AP3S1: variants seen among roughly 807,000 people sequenced by gnomAD.
AP3S1 encodes the protein AP-3 complex subunit sigma-1.
AP3S1 carries 12 observed loss-of-function variants against 21.3 expected under a neutral mutation model. That is an observed-to-expected ratio of 0.56 (90% confidence interval 0.36 to 0.91). AP3S1 has a LOEUF of 0.91. Ranked by LOEUF, AP3S1 falls within the 40% of genes least tolerant of loss-of-function variation. The pLI, the probability that AP3S1 is intolerant of heterozygous loss-of-function variation, is 0.01. For missense variants in AP3S1, 116 were observed against 225.0 expected (o/e 0.52, Z 3.10); for synonymous variants, 48 against 78.4 (o/e 0.61, Z 2.05).
intron 4 of AP3S1, among the ~76,000 whole-genome samples, chr5:115,896,022 G>T: frequency 6.6e-6 from 1 of 152,202 alleles, no homozygotes; most frequent in Middle Eastern, 3.4e-3. Flanking sequence ...TATTAGGTTT[G>T]TATAATCTAA....
At chr5:115,853,090 A>C (rs969994861) in intron 1 of AP3S1, 2 of 437,236 alleles carry the variant, frequency 4.6e-6, no homozygotes, top group African/African-American at 4.1e-5. Flanking sequence ...CATTCCCACC[A>C]ACAATGTCTG....
At chr5:115,906,083 G>T (rs373679970) in intron 5 of AP3S1, among the ~76,000 whole-genome samples, 1 of 152,174 alleles carries the variant, frequency 6.6e-6, no homozygotes, top group Non-Finnish European at 1.5e-5. Context: ...GCCCGATTCC[G>T]GGAGGCGGAG....
chr5:115,889,636 G>T (rs538203478), intron 3 of AP3S1, among the ~76,000 whole-genome samples: 8 of 152,188 alleles, frequency 5.3e-5, no homozygotes, highest in African/African-American at 1.9e-4. Context: ...ACTGGCAAAG[G>T]TATTTGTAAT....
At chr5:115,848,099 C>A (rs1017247681) in intron 1 of AP3S1, among the ~76,000 whole-genome samples, 1 of 152,022 alleles carries the variant, frequency 6.6e-6, no homozygotes, top group African/African-American at 2.4e-5. Context: ...TGTTATAGGT[C>A]ATTTCATGGC....
At chr5:115,886,345 T>C (rs1478282283) in intron 3 of AP3S1, among the ~76,000 whole-genome samples, 1 of 152,058 alleles carries the variant, frequency 6.6e-6, no homozygotes, top group Non-Finnish European at 1.5e-5. Flanking sequence ...TGCCTCCCAT[T>C]CCACCTCCTC....
chr5:115,842,699 A>G (rs1761713883), intron 1 of AP3S1: 1 of 152,226 alleles, frequency 6.6e-6, no homozygotes, highest in African/African-American at 2.4e-5. Context: ...TCTCTTCTGC[A>G]TGTTTCGATA....
chr5:115,896,280 G>T (rs1442472166), intron 4 of AP3S1, among the ~76,000 whole-genome samples: 1 of 151,988 alleles, frequency 6.6e-6, no homozygotes, highest in Non-Finnish European at 1.5e-5. Context: ...TTTTCTCTTT[G>T]GCCAGTATTC....
At chr5:115,860,902 C>G (rs1348562393) in intron 1 of AP3S1, among the ~76,000 whole-genome samples, 1 of 152,050 alleles carries the variant, frequency 6.6e-6, no homozygotes, top group Non-Finnish European at 1.5e-5. Flanking sequence ...ACTTTATTGC[C>G]TTTTTTATGT....
At chr5:115,886,865 A>G (rs926641539) in intron 3 of AP3S1, among the ~76,000 whole-genome samples, 2 of 152,208 alleles carry the variant, frequency 1.3e-5, no homozygotes, top group Admixed American at 1.3e-4. Flanking sequence ...TAATTTCTCT[A>G]TATTGACGTT....
At chr5:115,912,854 T>G (rs1275613308) in intron 5 of AP3S1, among the ~76,000 whole-genome samples, 4 of 152,088 alleles carry the variant, frequency 2.6e-5, no homozygotes, top group Non-Finnish European at 5.9e-5. Context: ...TTTAAAAAAC[T>G]AATTTTATTG....
intron 4 of AP3S1, 118 bp downstream of exon 4, chr5:115,895,276 A>T: frequency 3.0e-6 from 2 of 660,764 alleles, no homozygotes; most frequent in East Asian, 3.3e-5. Flanking sequence ...TCAATTCATA[A>T]TTTTTTTTTT....
At chr5:115,895,797 A>G (rs1472549310) in intron 4 of AP3S1, among the ~76,000 whole-genome samples, 2 of 152,244 alleles carry the variant, frequency 1.3e-5, no homozygotes, top group African/African-American at 4.8e-5. Flanking sequence ...GCAGTAGTCC[A>G]GAAGGAAATG....
intron 3 of AP3S1, among the ~76,000 whole-genome samples, chr5:115,892,198 T>C (rs573572596): frequency 6.6e-6 from 1 of 152,290 alleles, no homozygotes; most frequent in South Asian, 2.1e-4. Flanking sequence ...AAGGGAACCC[T>C]TGTACACTTG....
At chr5:115,903,776 AGCC>A (rs1189633209) in intron 5 of AP3S1, 1 of 152,198 alleles carries the variant, frequency 6.6e-6, no homozygotes, top group East Asian at 1.9e-4. Flanking sequence ...GCTGTAGCTG[AGCC>A]ACCTGGGTTC....
rs147768826 is a variant in AP3S1 at position 115,853,666 on chromosome 5, T to G, written c.69+11560T>G. On this transcript the variant is annotated intron_variant, in intron 1 of 5. Coordinates refer to ENST00000316788, the MANE Select transcript of AP3S1 (RefSeq NM_001284.4). ...GGTGTGAGGTGGGGATCCAGTTTTATTCTTTTACATGTGGATATTTAGTTG... is the reference window on the plus strand; with the variant it reads ...GGTGTGAGGTGGGGATCCAGTTTTAGTCTTTTACATGTGGATATTTAGTTG... 3.1e-3 allele frequency among the ~76,000 whole-genome samples: 471 copies of G among 152,282 alleles called. 1 individual carries two copies. The highest frequency in any genetic ancestry group is 4.8e-3 in the South Asian group (23 of 4,826).
intron 3 of AP3S1, among the ~76,000 whole-genome samples, chr5:115,875,548 C>G (rs1748638234): frequency 6.6e-6 from 1 of 152,158 alleles, no homozygotes; most frequent in African/African-American, 2.4e-5. Flanking sequence ...CTGTCCAGCA[C>G]TTGGAAATTG....
At chr5:115,855,672 T>C (rs774829067) in intron 1 of AP3S1, among the ~76,000 whole-genome samples, 8 of 152,156 alleles carry the variant, frequency 5.3e-5, no homozygotes, top group Non-Finnish European at 1.0e-4. Context: ...TTTTTTGAAA[T>C]ATAAAAAAGG....
intron 4 of AP3S1, among the ~76,000 whole-genome samples, chr5:115,901,138 C>G (rs1205616643): frequency 1.3e-5 from 2 of 152,110 alleles, no homozygotes; most frequent in Non-Finnish European, 2.9e-5. Flanking sequence ...TTTCCTTCCT[C>G]TAACTTTCAA....
chr5:115,878,880 T>C (rs1369910971), intron 3 of AP3S1, among the ~76,000 whole-genome samples: 1 of 152,194 alleles, frequency 6.6e-6, no homozygotes, highest in Non-Finnish European at 1.5e-5. Flanking sequence ...CCTTGAGCAG[T>C]AGTTTGTAAT....
Sources: gnomAD v4.1 joint callset for allele counts (sites outside exome capture counted in the v4.1 genomes callset) on GRCh38, gnomAD v4.1.1 for gene constraint, MANE v1.5 for transcripts, NCBI Gene and HGNC (gene_info 2026-07-23, HGNC 2026-07-21) for gene names.